Variants in CENPP observed in about 807,000 individuals in gnomAD.
CENPP encodes the protein centromere protein P.
A neutral mutation model predicts 35.6 loss-of-function variants in CENPP; 24 were observed. The ratio of observed to expected loss-of-function variants is 0.67; its 90% CI spans 0.49 to 0.95. CENPP has a LOEUF of 0.95. CENPP is among the 40% of genes least tolerant of loss of function. The pLI, the probability that CENPP is intolerant of heterozygous loss-of-function variation, is 0.00. For missense variants in CENPP, 332 were observed against 345.3 expected (o/e 0.96, Z 0.31); for synonymous variants, 120 against 125.5 (o/e 0.96, Z 0.29).
intron 5 of CENPP, among the ~76,000 whole-genome samples, chr9:92,410,865 C>T (rs1164513930): frequency 6.6e-6 from 1 of 152,126 alleles, no homozygotes; most frequent in Non-Finnish European, 1.5e-5. Context: ...TGGAAACCAT[C>T]TTTTTTAAAA....
At chr9:92,558,808 C>T (rs943243357) in intron 5 of CENPP, among the ~76,000 whole-genome samples, 6 of 151,972 alleles carry the variant, frequency 3.9e-5, no homozygotes, top group African/African-American at 9.7e-5. Flanking sequence ...GGTCTTGCTG[C>T]GGCTGCTGTG....
chr9:92,446,048 A>C (rs1844543946), intron 5 of CENPP, among the ~76,000 whole-genome samples: 1 of 152,182 alleles, frequency 6.6e-6, no homozygotes, highest in East Asian at 1.9e-4. Flanking sequence ...GTAAAAAGGT[A>C]AAGAATAAAA....
Position 92,616,090 on chromosome 9 carries a change from A to G in CENPP, c.*2941A>G. The G allele has an allele frequency of 2.0e-6, 3 of 1,464,902 alleles. No homozygotes were observed. Among genetic ancestry groups the G allele is most frequent in the Non-Finnish European group, 9.5e-7 (1 of 1,053,832 alleles). The allele number at this position is 1,464,902 out of a possible 1,614,324, so 90.7% of individuals were successfully genotyped here. Reference sequence around the variant, plus strand: ...TAAAAAGTACCATTTCAGGATACACAAGCCCCCCATTCATTTCCCTCCCTC... The same window carrying G: ...TAAAAAGTACCATTTCAGGATACACGAGCCCCCCATTCATTTCCCTCCCTC... On this transcript the variant is annotated 3_prime_UTR_variant, in exon 8 of 8. Transcript: ENST00000375587.
Position 92,581,489 on chromosome 9 carries a change from A to G in CENPP, c.565-29825A>G, listed in dbSNP as rs555414593. 4.2e-4 allele frequency among the ~76,000 whole-genome samples: 64 copies of G among 152,334 alleles called. 1 individual carries two copies. Among genetic ancestry groups the G allele is most frequent in the Admixed American group, 3.9e-3 (60 of 15,306 alleles). On this transcript the variant is annotated intron_variant, in intron 5 of 7. Transcript: ENST00000375587. ...AAGCATCCAAAGGAATGGATTGGCT[A>G]TATTGGCAAACTCTGATCCTTCAAC...
intron 5 of CENPP, chr9:92,505,736 A>T: frequency 6.8e-7 from 1 of 1,468,074 alleles, no homozygotes. Flanking sequence ...TTGAAAAACC[A>T]TGCAAATTTT....
chr9:92,466,029 TA>T (rs1845296930), intron 5 of CENPP, among the ~76,000 whole-genome samples: 3 of 152,012 alleles, frequency 2.0e-5, no homozygotes, highest in Admixed American at 2.0e-4. Flanking sequence ...GACAGGGTTT[TA>T]CTATGTTGGC....
chr9:92,543,357 C>CA (rs1849356799), intron 5 of CENPP, among the ~76,000 whole-genome samples: 1 of 150,762 alleles, frequency 6.6e-6, no homozygotes, highest in Non-Finnish European at 1.5e-5. Flanking sequence ...CCTGTAGTCT[C>CA]AGCTACTCAG....
At chr9:92,588,115 G>A (rs1850582790) in intron 5 of CENPP, among the ~76,000 whole-genome samples, 2 of 151,820 alleles carry the variant, frequency 1.3e-5, no homozygotes, top group Admixed American at 1.3e-4. Flanking sequence ...ACTCCAGCCT[G>A]GGTGACATAG....
intron 4 of CENPP, among the ~76,000 whole-genome samples, chr9:92,357,984 G>A (rs1841638035): frequency 6.6e-6 from 1 of 151,978 alleles, no homozygotes; most frequent in South Asian, 2.1e-4. Flanking sequence ...TTCTCTTGCT[G>A]CTTTCAAGAT....
At chr9:92,605,599 A>G (rs1288394899) in intron 5 of CENPP, among the ~76,000 whole-genome samples, 1 of 152,224 alleles carries the variant, frequency 6.6e-6, no homozygotes, top group African/African-American at 2.4e-5. Flanking sequence ...ATTCACAGAC[A>G]AAAGAATGGA....
intron 5 of CENPP, among the ~76,000 whole-genome samples, chr9:92,428,726 C>T (rs1844029475): frequency 6.6e-6 from 1 of 152,132 alleles, no homozygotes. Context: ...CTTGCTTCTA[C>T]TTGTTACTTC....
chr9:92,326,451 T>C (rs991156887), intron 1 of CENPP, among the ~76,000 whole-genome samples: 2 of 152,268 alleles, frequency 1.3e-5, no homozygotes, highest in Non-Finnish European at 2.9e-5. Context: ...GCATTTGTTT[T>C]GGTAGGTCAG....
rs1404808330 is a variant in CENPP at position 92,611,341 on chromosome 9, T to C, written c.592T>C (p.Ser198Pro). 3 of 1,613,628 alleles carry C rather than the reference T, an allele frequency of 1.9e-6. No homozygotes were observed. Among genetic ancestry groups the C allele is most frequent in the African/African-American group, 1.3e-5 (1 of 74,900 alleles). Residue 198 changes from serine (S) to proline (P), a missense_variant, in exon 6 of 8, where the codon TCG becomes CCG. Ser to Pro is a moderately conservative substitution (Grantham distance 74). Coordinates refer to ENST00000375587, the MANE Select transcript of CENPP (RefSeq NM_001012267.3). ...AAAGTACCCAGATGCCGTGTACCTC[T>C]CGGAGGGGCCCTCCTCCTGCTCCAT... ...KEKYPDAVYLSEGPSSCSMGI... is the reference protein window; with the variant it reads ...KEKYPDAVYLPEGPSSCSMGI...
At chr9:92,600,402 A>G in intron 5 of CENPP, 1 of 1,609,270 alleles carries the variant, frequency 6.2e-7, no homozygotes. Flanking sequence ...GTCTCTTTCA[A>G]CTCTGGGTTT....
chr9:92,421,984 T>C (rs959699027), intron 5 of CENPP, among the ~76,000 whole-genome samples: 9 of 152,228 alleles, frequency 5.9e-5, no homozygotes, highest in Non-Finnish European at 1.0e-4. Context: ...ATACATTTTA[T>C]ACTCATTGAT....
In CENPP at chr9:92,495,239, G is replaced by A. The variant is rs372326944; in HGVS notation, c.564+115380G>A. On this transcript the variant is annotated intron_variant, in intron 5 of 7. Transcript: ENST00000375587. ...AAGTTCCTAGCCAAGACATAAAACT[G>A]AGAGTAACAAAAGAAGTCAACATAG... 17 of 648,104 alleles carry A rather than the reference G, an allele frequency of 2.6e-5. No individual in the cohort carries two copies. The East Asian group carries it at 1.4e-3, about 52-fold the overall frequency. The allele number at this position is 648,104 out of a possible 1,614,324, so 40.1% of individuals were successfully genotyped here. A position where few individuals can be genotyped will look rare whatever the true frequency, so the allele number is the denominator to read the frequency against.
intron 5 of CENPP, among the ~76,000 whole-genome samples, chr9:92,459,317 T>A (rs1286595209): frequency 6.6e-6 from 1 of 152,234 alleles, no homozygotes; most frequent in Non-Finnish European, 1.5e-5. Flanking sequence ...TCCTGACCAG[T>A]CCTGCCTCTG....
rs71362393 is a variant in CENPP, at chr9:92,497,874, TAAAAAAA to T, written c.565-113427_565-113421del. Among the ~76,000 whole-genome samples, 4 of 134,892 alleles carry T rather than the reference TAAAAAAA, an allele frequency of 3.0e-5. No homozygotes were observed. The East Asian group carries it at 8.8e-4, about 30-fold the overall frequency. The allele number at this position is 134,892 out of a possible 152,430, so 88.5% of individuals were successfully genotyped here. A position where few individuals can be genotyped will look rare whatever the true frequency, so the allele number is the denominator to read the frequency against. Reference sequence around the variant, plus strand: ...TTAATTCCCATAAGAGCTGGTTGTTTAAAAAAAAAAAAAAAAAAAGAAGTCTGGCACC... The same window carrying T: ...TTAATTCCCATAAGAGCTGGTTGTTTAAAAAAAAAAAAGAAGTCTGGCACC... On this transcript the variant is annotated intron_variant, in intron 5 of 7. Transcript: ENST00000375587.
intron 5 of CENPP, among the ~76,000 whole-genome samples, chr9:92,504,414 A>T (rs755431078): frequency 1.3e-5 from 2 of 152,146 alleles, no homozygotes; most frequent in Non-Finnish European, 2.9e-5. Flanking sequence ...CTCCATCCTG[A>T]CTTCTGGCTG....
Sources: gnomAD v4.1 joint callset for allele counts (sites outside exome capture counted in the v4.1 genomes callset) on GRCh38, gnomAD v4.1.1 for gene constraint, MANE v1.5 for transcripts, NCBI Gene and HGNC (gene_info 2026-07-23, HGNC 2026-07-21) for gene names.